TGIF1: variants seen among roughly 807,000 people sequenced by gnomAD.
TGIF1 encodes the protein TGFB induced factor homeobox 1.
TGIF1 carries 4 observed loss-of-function variants against 19.3 expected under a neutral mutation model. That is an observed-to-expected ratio of 0.21 (90% CI 0.10 to 0.47). TGIF1 has a LOEUF of 0.47. Among genes scored for constraint, TGIF1 ranks in the 20% least tolerant of loss-of-function variants. The probability of loss-of-function intolerance (pLI) is 0.98; values close to 1 mark genes in which losing one functional copy is unlikely to be tolerated. For synonymous variants in TGIF1, 122 were observed against 129.3 expected, an observed-to-expected ratio of 0.94 and a Z score of 0.38; for missense variants, 275 against 341.4, an observed-to-expected ratio of 0.81 and a Z score of 1.53.
chr18:3,434,544 A>G (rs887543753), intron 2 of TGIF1, among the ~76,000 whole-genome samples: 3 of 151,238 alleles, frequency 2.0e-5, no homozygotes, highest in African/African-American at 4.9e-5. Context: ...CTCAAAAAAT[A>G]AAAATAAAAA....
At chr18:3,419,962 T>C (rs1166620181) in intron 2 of TGIF1, among the ~76,000 whole-genome samples, 1 of 150,858 alleles carries the variant, frequency 6.6e-6, no homozygotes, top group Non-Finnish European at 1.5e-5. Context: ...ACTGAGATCG[T>C]GCCATTGCAC....
chr18:3,451,755 A>G lies in TGIF1; in HGVS notation c.16+1250A>G, dbSNP rs2082944276. On this transcript the variant is annotated intron_variant, in intron 1 of 2. Transcript: ENST00000343820. This position sits in a 1 kb window ranked among gnomAD's most constrained non-coding sequence, Gnocchi z 5.4. ...GAGTGAAATTAAACTTGAAACTCGG[A>G]TCAACTGGCAGTCGTTGTTGGTAGA... 8.0e-7 allele frequency: 1 copy of G among 1,247,826 alleles called. No individual in the cohort carries two copies. The highest frequency in any genetic ancestry group is 1.0e-6 in the Non-Finnish European group (1 of 997,186). The allele number at this position is 1,247,826 out of a possible 1,614,324, so 77.3% of individuals were successfully genotyped here.
upstream of TGIF1, chr18:3,450,063 G>C (rs976893405): frequency 6.4e-5 from 65 of 1,015,626 alleles, no homozygotes; most frequent in Non-Finnish European, 7.4e-5. Flanking sequence ...AGTCTTCCCG[G>C]CTGGAAGGTG....
chr18:3,448,441 C>T (rs2082790600), upstream of TGIF1: 14 of 993,314 alleles, frequency 1.4e-5, no homozygotes, highest in Non-Finnish European at 1.6e-5. Context: ...GATTCATCTG[C>T]AGCCAGGTCC....
Position 3,457,285 on chromosome 18 carries a change from T to C in TGIF1, c.244-80T>C. 1 of 1,387,750 alleles carries C rather than the reference T, an allele frequency of 7.2e-7. No homozygotes were observed. Among genetic ancestry groups the C allele is most frequent in the African/African-American group, 1.4e-5 (1 of 70,726 alleles). The allele number at this position is 1,387,750 out of a possible 1,614,324, so 86.0% of individuals were successfully genotyped here. On this transcript the variant is annotated intron_variant, in intron 2 of 2. Transcript: ENST00000343820. The surrounding 1 kb of genome is among the most constrained non-coding windows in gnomAD (Gnocchi z 4.9). ...CTTTAATTCAGAGAGCAAGATCAATTAGGTACCCCATAGAACATTCTCAGA... is the reference window on the plus strand; with the variant it reads ...CTTTAATTCAGAGAGCAAGATCAATCAGGTACCCCATAGAACATTCTCAGA...
chr18:3,423,020 T>C (rs1477644640), intron 2 of TGIF1, among the ~76,000 whole-genome samples: 3 of 152,092 alleles, frequency 2.0e-5, no homozygotes, highest in Non-Finnish European at 4.4e-5. Flanking sequence ...ATTTTTACTA[T>C]ACATGTTCTA....
In TGIF1 at chr18:3,451,613, C is replaced by G. The variant is rs928079857; in HGVS notation, c.16+1108C>G. 3 of 1,074,156 alleles carry G rather than the reference C, an allele frequency of 2.8e-6. No individual in the cohort carries two copies. Among genetic ancestry groups the G allele is most frequent in the Middle Eastern group, 8.1e-4 (2 of 2,466 alleles). 66.5% of individuals were successfully genotyped at this position (1,074,156 alleles called of 1,614,324 possible). A position where few individuals can be genotyped will look rare whatever the true frequency, so the allele number is the denominator to read the frequency against. On this transcript the variant is annotated intron_variant, in intron 1 of 2. Transcript: ENST00000343820. The surrounding 1 kb of genome is among the most constrained non-coding windows in gnomAD (Gnocchi z 5.4). ...ACTCCACATTCTTTCAGACCCGGCCCGCTGCGGGGCGTTCCTGGGGGGTAG... is the reference window on the plus strand; with the variant it reads ...ACTCCACATTCTTTCAGACCCGGCCGGCTGCGGGGCGTTCCTGGGGGGTAG...
rs751528223 is a variant in TGIF1 at position 3,451,989 on chromosome 18, G to A, written c.16+1484G>A. 9 of 1,596,616 alleles carry A rather than the reference G, an allele frequency of 5.6e-6. No individual in the cohort carries two copies. The highest frequency in any genetic ancestry group is 1.3e-5 in the African/African-American group (1 of 74,668). On this transcript the variant is annotated intron_variant, in intron 1 of 2. Transcript: ENST00000343820. This position sits in a 1 kb window ranked among gnomAD's most constrained non-coding sequence, Gnocchi z 5.4. ...GCTCTGTGTTTCGAGGATGGTTCTAGCGCAGAGCCGGGTGTCTGCCGGGGT... is the reference window on the plus strand; with the variant it reads ...GCTCTGTGTTTCGAGGATGGTTCTAACGCAGAGCCGGGTGTCTGCCGGGGT...
chr18:3,436,585 G>A (rs1361191438), intron 2 of TGIF1, among the ~76,000 whole-genome samples: 4 of 152,138 alleles, frequency 2.6e-5, no homozygotes, highest in East Asian at 1.9e-4. Flanking sequence ...TTGGGAGGCT[G>A]AGGCAGGTGG....
intron 2 of TGIF1, among the ~76,000 whole-genome samples, chr18:3,424,273 T>C (rs963759842): frequency 6.6e-6 from 1 of 152,118 alleles, no homozygotes; most frequent in Non-Finnish European, 1.5e-5. Flanking sequence ...AGATGGGTAA[T>C]GTGCCAAGAT....
Position 3,457,622 on chromosome 18 carries a change from G to A in TGIF1, c.501G>A (p.Leu167=). 5.0e-6 allele frequency: 8 copies of A among 1,614,154 alleles called. No homozygotes were observed. Among genetic ancestry groups the A allele is most frequent in the Non-Finnish European group, 5.9e-6 (7 of 1,180,028 alleles). ...AGCCGTCATCCCCGGGATCAGTTTT[G>A]GCTCGTCCATCAGTGATCTGCCATA... ...SPKPSSPGSV[L]ARPSVICHTT... Residue 167 remains leucine (L), a synonymous_variant, in exon 3 of 3, where the codon TTG becomes TTA. Transcript: ENST00000343820. The surrounding 1 kb of genome is among the most constrained non-coding windows in gnomAD (Gnocchi z 4.9).
At chr18:3,417,025 T>C (rs559383114) in intron 1 of TGIF1, among the ~76,000 whole-genome samples, 16 of 152,334 alleles carry the variant, frequency 1.1e-4, no homozygotes, top group African/African-American at 3.4e-4. Context: ...GAATTTATCA[T>C]AAGTAAATCA....
At chr18:3,428,608 G>A (rs2082505234) in intron 2 of TGIF1, among the ~76,000 whole-genome samples, 1 of 151,716 alleles carries the variant, frequency 6.6e-6, no homozygotes, top group Admixed American at 6.6e-5. Context: ...ATGGTGGCAC[G>A]CGCCTGTAGT....
At chr18:3,422,987 G>A (rs888820891) in intron 2 of TGIF1, among the ~76,000 whole-genome samples, 2 of 151,812 alleles carry the variant, frequency 1.3e-5, no homozygotes, top group Non-Finnish European at 2.9e-5. Flanking sequence ...CCGCGCCCAG[G>A]CTTTTTTTGT....
intron 2 of TGIF1, among the ~76,000 whole-genome samples, chr18:3,434,440 G>C (rs1312763633): frequency 6.6e-6 from 1 of 152,190 alleles, no homozygotes; most frequent in Non-Finnish European, 1.5e-5. Flanking sequence ...GGAGGCTGAG[G>C]CAGGAGAATC....
At chr18:3,414,891 A>G (rs1255389612) in intron 1 of TGIF1, among the ~76,000 whole-genome samples, 1 of 152,200 alleles carries the variant, frequency 6.6e-6, no homozygotes, top group Non-Finnish European at 1.5e-5. Flanking sequence ...ATGTCTCTAA[A>G]AAATAAAAAT....
chr18:3,420,904 T>C (rs2082390423), intron 2 of TGIF1, among the ~76,000 whole-genome samples: 1 of 152,228 alleles, frequency 6.6e-6, no homozygotes, highest in African/African-American at 2.4e-5. Context: ...CAGACTAGAA[T>C]GGAATACATT....
chr18:3,451,566 C>A lies in TGIF1; in HGVS notation c.16+1061C>A. 1 of 1,017,576 alleles carries A rather than the reference C, an allele frequency of 9.8e-7. No homozygotes were observed. Among genetic ancestry groups the A allele is most frequent in the South Asian group, 4.6e-5 (1 of 21,826 alleles). 63.0% of individuals were successfully genotyped at this position (1,017,576 alleles called of 1,614,324 possible). A position where few individuals can be genotyped will look rare whatever the true frequency, so the allele number is the denominator to read the frequency against. ...GAGGGGCGGCGCTACTGCGCATGCCCGGGAGCCGCCTGGAGTTTGGAACTC... is the reference window on the plus strand; with the variant it reads ...GAGGGGCGGCGCTACTGCGCATGCCAGGGAGCCGCCTGGAGTTTGGAACTC... On this transcript the variant is annotated intron_variant, in intron 1 of 2. Transcript: ENST00000343820. The surrounding 1 kb of genome is among the most constrained non-coding windows in gnomAD (Gnocchi z 5.4).
intron 1 of TGIF1, chr18:3,452,458 G>A (rs2083001282): frequency 6.2e-7 from 1 of 1,600,840 alleles, no homozygotes; most frequent in Non-Finnish European, 8.5e-7. Flanking sequence ...GGTTACCCGG[G>A]TTTCTTTCCC....
Sources: gnomAD v4.1 joint callset for allele counts (sites outside exome capture counted in the v4.1 genomes callset) on GRCh38, gnomAD v4.1.1 for gene constraint, Gnocchi (gnomAD v3.1) non-coding constraint, MANE v1.5 for transcripts, NCBI Gene and HGNC (gene_info 2026-07-23, HGNC 2026-07-21) for gene names.